Variants in PUS7 observed in about 807,000 individuals in gnomAD.
The protein encoded by PUS7 is pseudouridine synthase 7, also known as pseudouridylate synthase 7 homolog.
A neutral mutation model predicts 79.8 loss-of-function variants in PUS7; 48 were observed. The ratio of observed to expected loss-of-function variants is 0.60; its 90% CI spans 0.48 to 0.76. The LOEUF (loss-of-function observed/expected upper bound fraction) is 0.76. Ranked by LOEUF, PUS7 falls within the 30% of genes least tolerant of loss-of-function variation. PUS7 has a pLI of 0.00. For synonymous variants in PUS7, 286 were observed against 272.2 expected (o/e 1.05, Z -0.50); for missense variants, 729 against 797.6 (o/e 0.91, Z 1.04).
At chr7:105,468,864 G>A (rs941157127) in intron 11 of PUS7, among the ~76,000 whole-genome samples, 1 of 151,914 alleles carries the variant, frequency 6.6e-6, no homozygotes, top group Non-Finnish European at 1.5e-5. Flanking sequence ...AGTGGTAATC[G>A]TAGTAATAAG....
intron 9 of PUS7, among the ~76,000 whole-genome samples, chr7:105,475,407 G>T (rs372688938): frequency 6.6e-6 from 1 of 151,960 alleles, no homozygotes; most frequent in East Asian, 1.9e-4. Flanking sequence ...GGATGGTCTC[G>T]ATCTCCTGAC....
At chr7:105,485,990 G>A (rs1447439922) in intron 7 of PUS7, among the ~76,000 whole-genome samples, 1 of 151,940 alleles carries the variant, frequency 6.6e-6, no homozygotes, top group African/African-American at 2.4e-5. Context: ...TGGGATTACC[G>A]GCGTGAGCCA....
chr7:105,482,502 T>C, intron 7 of PUS7, 62 bp from the exon 8 acceptor site: 1 of 1,500,966 alleles, frequency 6.7e-7, no homozygotes, highest in Middle Eastern at 2.2e-4. Context: ...CATGAGATAC[T>C]GATTGTCTGC....
intron 7 of PUS7, among the ~76,000 whole-genome samples, chr7:105,485,506 G>C (rs756345248): frequency 1.3e-5 from 2 of 152,030 alleles, no homozygotes; most frequent in South Asian, 4.1e-4. Context: ...CACCTTGCTC[G>C]GCCTAAGTAG....
In PUS7 at chr7:105,505,716, C is replaced by T. The variant is rs116300783; in HGVS notation, c.585+239G>A. ...TAGGACTTTGGAATAGCATGTAACA[C>T]TGTACCCAAATAAAAATGTTTTTAA... On this transcript the variant is annotated intron_variant, in intron 4 of 15. Transcript: ENST00000469408. Among the ~76,000 whole-genome samples, 316 of 152,224 alleles carry T rather than the reference C, an allele frequency of 2.1e-3. 2 individuals are homozygous for T. The highest frequency in any genetic ancestry group is 7.2e-3 in the African/African-American group (301 of 41,538).
chr7:105,503,192 T>C (rs530102683), intron 4 of PUS7, among the ~76,000 whole-genome samples: 66 of 152,230 alleles, frequency 4.3e-4, no homozygotes, highest in African/African-American at 1.5e-3. Context: ...TGGAAGGTGG[T>C]AGAGCTGGAT....
chr7:105,464,419 T>C (rs1823555256), intron 13 of PUS7, among the ~76,000 whole-genome samples: 1 of 152,156 alleles, frequency 6.6e-6, no homozygotes, highest in African/African-American at 2.4e-5. Flanking sequence ...GACTGGCATG[T>C]GAGTTGGTGG....
chr7:105,480,585 T>C (rs951023169), intron 9 of PUS7, among the ~76,000 whole-genome samples: 2 of 152,152 alleles, frequency 1.3e-5, no homozygotes, highest in Non-Finnish European at 2.9e-5. Context: ...GAGACCAGCC[T>C]GACCAACATG....
In PUS7 at chr7:105,496,218, T is replaced by TAGAGAG. The variant is rs1309951962; in HGVS notation, c.731-966_731-965insCTCTCT. Among the ~76,000 whole-genome samples, 494 of 81,750 alleles carry TAGAGAG rather than the reference T, an allele frequency of 6.0e-3. 1 individual carries two copies. Among genetic ancestry groups the TAGAGAG allele is most frequent in the Non-Finnish European group, 8.7e-3 (402 of 45,944 alleles). The allele number at this position is 81,750 out of a possible 152,430, so 53.6% of individuals were successfully genotyped here. On this transcript the variant is annotated intron_variant, in intron 5 of 15. Transcript: ENST00000469408. Reference sequence around the variant, plus strand: ...ACACATATATATATATATATATATATATATATATAGAGAGAGAGAGAGAGA... The same window carrying TAGAGAG: ...ACACATATATATATATATATATATATAGAGAGATATATATAGAGAGAGAGAGAGAGA...
chr7:105,519,271 T>G (rs977821280), intron 1 of PUS7, among the ~76,000 whole-genome samples: 1 of 151,894 alleles, frequency 6.6e-6, no homozygotes, highest in African/African-American at 2.4e-5. Context: ...TTTTCCTCTG[T>G]TGCCCAGGCT....
chr7:105,506,883 A>C (rs987380635), intron 2 of PUS7, among the ~76,000 whole-genome samples: 2 of 152,202 alleles, frequency 1.3e-5, no homozygotes, highest in African/African-American at 4.8e-5. Context: ...GCCCACACTA[A>C]ATTAAATCAC....
At chr7:105,521,468 A>G (rs1366068842) in intron 1 of PUS7, among the ~76,000 whole-genome samples, 1 of 143,486 alleles carries the variant, frequency 7.0e-6, no homozygotes, top group Non-Finnish European at 1.6e-5. Context: ...TGGAGAAAGC[A>G]CTCTGAGTCT....
intron 9 of PUS7, among the ~76,000 whole-genome samples, chr7:105,474,000 T>C (rs764594590): frequency 2.0e-5 from 3 of 152,242 alleles, no homozygotes; most frequent in African/African-American, 4.8e-5. Context: ...ACTTTTACTA[T>C]AGTATTGCTG....
chr7:105,508,323 T>C lies in PUS7; in HGVS notation c.190A>G (p.Thr64Ala). Residue 64 changes from threonine to alanine, a missense_variant, in exon 2 of 16, where the codon ACT becomes GCT. By Grantham distance (58) the Thr-to-Ala change is moderately conservative. Transcript: ENST00000469408. ...TTTCCACCTTTCCCAGTACTGACAG[T>C]GTCAGGAGGCCGAGGCACGTCTTCA... is the stretch of plus-strand genomic sequence containing the variant. The part of the protein sequence containing the change: ...ISEDVPRPPD[T>A]VSTGKGGKNS... 1.9e-6 allele frequency: 3 copies of C among 1,614,138 alleles called. No individual in the cohort carries two copies. Among genetic ancestry groups the C allele is most frequent in the Non-Finnish European group, 2.5e-6 (3 of 1,180,028 alleles).
At chr7:105,478,046 T>C (rs571987259) in intron 9 of PUS7, among the ~76,000 whole-genome samples, 1 of 152,284 alleles carries the variant, frequency 6.6e-6, no homozygotes, top group African/African-American at 2.4e-5. Flanking sequence ...TGGCCTCAAG[T>C]GATCCTGCCG....
chr7:105,496,222 T>TAGAGAGAG (rs1203551594), intron 5 of PUS7, among the ~76,000 whole-genome samples: 112 of 84,998 alleles, frequency 1.3e-3, no homozygotes, highest in Admixed American at 6.5e-3. Context: ...TATATATATA[T>TAGAGAGAG]ATATAGAGAG....
chr7:105,496,226 T>TATAGAG (rs1197032072), intron 5 of PUS7, among the ~76,000 whole-genome samples: 7 of 81,128 alleles, frequency 8.6e-5, no homozygotes, highest in African/African-American at 9.5e-5. Context: ...TATATATATA[T>TATAGAG]AGAGAGAGAG....
intron 9 of PUS7, among the ~76,000 whole-genome samples, chr7:105,480,292 TG>T (rs140794536): frequency 0.02 from 2,999 of 148,168 alleles, 102 homozygotes; most frequent in African/African-American, 0.07. Flanking sequence ...GCCAACATGG[TG>T]AAATTCCCGC....
chr7:105,518,936 T>C (rs1455060406), intron 1 of PUS7, among the ~76,000 whole-genome samples: 4 of 150,848 alleles, frequency 2.7e-5, no homozygotes, highest in African/African-American at 9.7e-5. Context: ...ACCAGGCTAA[T>C]TTTTTGTATT....
Sources: allele counts gnomAD v4.1 joint callset (sites outside exome capture counted in the v4.1 genomes callset), GRCh38; gene constraint gnomAD v4.1.1; transcripts MANE v1.5; gene names NCBI Gene and HGNC (gene_info 2026-07-23, HGNC 2026-07-21).